The following FRMD6 variants were observed in gnomAD, a reference collection of about 807,000 sequenced individuals.
The protein encoded by FRMD6 is FERM domain containing 6, also known as FERM domain-containing protein 6.
In FRMD6, 37 loss-of-function variants were observed where a neutral mutation model predicts 73.2. The ratio of observed to expected loss-of-function variants is 0.51; its 90% CI spans 0.39 to 0.66. FRMD6 has a LOEUF of 0.66. Among genes scored for constraint, FRMD6 ranks in the 30% least tolerant of loss-of-function variants. The pLI is 0.00. For synonymous variants in FRMD6, 273 were observed against 282.2 expected, an observed-to-expected ratio of 0.97 and a Z score of 0.33; for missense variants, 714 against 780.5, an observed-to-expected ratio of 0.91 and a Z score of 1.02.
intron 1 of FRMD6, among the ~76,000 whole-genome samples, chr14:51,569,507 C>CTTTTTTTCTT (rs1887981668): frequency 8.1e-6 from 1 of 122,800 alleles, no homozygotes; most frequent in Non-Finnish European, 1.7e-5. Context: ...TTCTTTCTTT[C>CTTTTTTTCTT]TTTTTTTTTT....
At chr14:51,401,692 G>A in the FRMD6 span, among the ~76,000 whole-genome samples, 1 of 151,368 alleles carries the variant, frequency 6.6e-6, no homozygotes, top group Admixed American at 6.6e-5. Context: ...AACAGGGCTC[G>A]AATGGGACGC....
intron 2 of FRMD6, among the ~76,000 whole-genome samples, chr14:51,629,311 A>G (rs558915949): frequency 6.6e-6 from 1 of 152,352 alleles, no homozygotes; most frequent in East Asian, 1.9e-4. Context: ...AACTGCTATT[A>G]TGAATAATGC....
chr14:51,661,864 T>C (rs984702151), intron 1 of FRMD6, among the ~76,000 whole-genome samples: 1 of 152,234 alleles, frequency 6.6e-6, no homozygotes, highest in African/African-American at 2.4e-5. Context: ...ATATTCAATA[T>C]TGATGTGGGT....
At chr14:51,472,604 G>A in the FRMD6 span, among the ~76,000 whole-genome samples, 2,695 of 152,218 alleles carry the variant, frequency 0.018, 73 homozygotes, top group African/African-American at 0.056. Flanking sequence ...CACCCAGCCT[G>A]CTGAAGGAAT....
chr14:51,427,787 A>T, the FRMD6 span, among the ~76,000 whole-genome samples: 3 of 152,302 alleles, frequency 2.0e-5, no homozygotes, highest in South Asian at 6.2e-4. Flanking sequence ...AAGCTTTCTG[A>T]TGTTGCGCTG....
At chr14:51,400,210 C>T in the FRMD6 span, among the ~76,000 whole-genome samples, 32 of 152,252 alleles carry the variant, frequency 2.1e-4, no homozygotes, top group Non-Finnish European at 2.6e-4. Flanking sequence ...GTCACCAGAA[C>T]GTATTCCTTC....
chr14:51,553,491 T>C (rs1566810107), intron 1 of FRMD6, among the ~76,000 whole-genome samples: 1 of 152,240 alleles, frequency 6.6e-6, no homozygotes. Flanking sequence ...TGAGCATTTA[T>C]AAGAATACTT....
intron 1 of FRMD6, among the ~76,000 whole-genome samples, chr14:51,563,479 G>A (rs564395451): frequency 7.0e-4 from 107 of 152,148 alleles, no homozygotes; most frequent in Middle Eastern, 3.4e-3. Context: ...AGACCATCCT[G>A]GCCAACATGG....
intron 11 of FRMD6, chr14:51,720,601 G>A (rs1182118131): frequency 1.7e-6 from 1 of 576,092 alleles, no homozygotes; most frequent in Non-Finnish European, 3.1e-6. Context: ...GCGGCCACAA[G>A]ACTGGATGGT....
At chr14:51,544,319 A>C (rs1219723450) in intron 1 of FRMD6, among the ~76,000 whole-genome samples, 1 of 151,976 alleles carries the variant, frequency 6.6e-6, no homozygotes, top group Non-Finnish European at 1.5e-5. Context: ...TCTTATGGAG[A>C]ATTTTTTTCC....
At chr14:51,684,326 AC>A (rs1318880746) in intron 1 of FRMD6, among the ~76,000 whole-genome samples, 1 of 152,108 alleles carries the variant, frequency 6.6e-6, no homozygotes, top group Non-Finnish European at 1.5e-5. Context: ...TTGGCTGTAT[AC>A]TGCAGTAAAT....
At chr14:51,660,474 G>C (rs1468561518) in intron 1 of FRMD6, among the ~76,000 whole-genome samples, 1 of 151,654 alleles carries the variant, frequency 6.6e-6, no homozygotes, top group African/African-American at 2.4e-5. Flanking sequence ...TGCAAGATCT[G>C]GTAAAAATCT....
intron 2 of FRMD6, among the ~76,000 whole-genome samples, chr14:51,576,846 C>T (rs748824451): frequency 6.6e-6 from 1 of 152,202 alleles, no homozygotes; most frequent in Non-Finnish European, 1.5e-5. Flanking sequence ...CTCCCAATTT[C>T]GTTTTTCACT....
At position 51,596,662 on chromosome 14, in the gene FRMD6, A is replaced by T. The variant is rs1889733558; in HGVS notation, c.-147+26252A>T. ...TGGCTGAGTCTCAAGGCTCATGGTT[A>T]AGCAGTGACGCTTCTGTGGCCTGTG... On this transcript the variant is annotated intron_variant, in intron 2 of 14. Coordinates refer to the FRMD6 transcript ENST00000356218. Among the ~76,000 whole-genome samples the T allele has an allele frequency of 2.0e-5, 3 of 152,218 alleles. No individual in the cohort carries two copies. The South Asian group carries it at 6.2e-4, about 32-fold the overall frequency.
the FRMD6 span, among the ~76,000 whole-genome samples, chr14:51,431,518 A>G: frequency 6.6e-6 from 1 of 152,234 alleles, no homozygotes; most frequent in African/African-American, 2.4e-5. Flanking sequence ...TGTTCTTGAG[A>G]TGATTAATGC....
chr14:51,493,317 G>A (rs925694315), intron 1 of FRMD6, among the ~76,000 whole-genome samples: 3 of 152,138 alleles, frequency 2.0e-5, no homozygotes, highest in African/African-American at 7.2e-5. Context: ...GTTTGGCTGT[G>A]TCCCCACCCA....
At chr14:51,439,877 C>T in the FRMD6 span, among the ~76,000 whole-genome samples, 21 of 152,106 alleles carry the variant, frequency 1.4e-4, no homozygotes, top group South Asian at 8.3e-4. Context: ...AGGAATATGC[C>T]CACTGTCCAA....
At chr14:51,409,392 C>T in the FRMD6 span, among the ~76,000 whole-genome samples, 2 of 127,116 alleles carry the variant, frequency 1.6e-5, no homozygotes, top group South Asian at 2.5e-4. Context: ...TTCTGGATAG[C>T]TCATCAACTA....
In FRMD6 at chr14:51,728,074, A is replaced by G. The variant is rs1898085424; in HGVS notation, c.*45A>G. 2 of 1,546,088 alleles carry G rather than the reference A, an allele frequency of 1.3e-6. No homozygotes were observed. Among genetic ancestry groups the G allele is most frequent in the South Asian group, 2.4e-5 (2 of 82,702 alleles). ...GTACAGGCAGCTTACTGTTTGCTAG[A>G]GGATGCGAAAGTCATAAGTTCTTTA... On this transcript the variant is annotated 3_prime_UTR_variant, in exon 14 of 14. Transcript: ENST00000344768.
Sources: gnomAD v4.1 joint callset for allele counts (sites outside exome capture counted in the v4.1 genomes callset) on GRCh38, gnomAD v4.1.1 for gene constraint, MANE v1.5 for transcripts, NCBI Gene and HGNC (gene_info 2026-07-23, HGNC 2026-07-21) for gene names.